TAMM41: variants seen among roughly 807,000 people sequenced by gnomAD.
The protein encoded by TAMM41 is phosphatidate cytidylyltransferase, mitochondrial.
Under a neutral mutation model 44.1 loss-of-function variants are expected in TAMM41, and 36 were observed. That is an observed-to-expected ratio of 0.82 (90% CI 0.63 to 1.08). The LOEUF is 1.08. TAMM41 is among the 50% of genes least tolerant of loss of function. The pLI, the probability that TAMM41 is intolerant of heterozygous loss-of-function variation, is 0.00. For missense variants in TAMM41, 417 were observed against 404.3 expected, an observed-to-expected ratio of 1.03 and a Z score of -0.27; for synonymous variants, 164 against 153.1, an observed-to-expected ratio of 1.07 and a Z score of -0.53.
the TAMM41 span, among the ~76,000 whole-genome samples, chr3:11,741,216 C>CAAAAAAAAAAAAAAAAAAAAAAAAA: frequency 1.6e-5 from 1 of 61,834 alleles, no homozygotes; most frequent in Non-Finnish European, 2.7e-5. Flanking sequence ...GACACCGTCT[C>CAAAAAAAAAAAAAAAAAAAAAAAAA]AAAAAAAAAA....
rs146811167 is a variant in TAMM41, at chr3:11,793,010, G to A, written c.938-2429C>T. On this transcript the variant is annotated intron_variant, in intron 7 of 7. Transcript: ENST00000455809. ...CGGGAAGCGGAGGTTGCAATGAGCC[G>A]AGATCACGCCACTGCACTCCAGCCT... Among the ~76,000 whole-genome samples the A allele has an allele frequency of 5.0e-3, 664 of 134,040 alleles. 2 individuals carry two copies. The highest frequency in any genetic ancestry group is 0.039 in the Middle Eastern group (7 of 180). The allele number at this position is 134,040 out of a possible 152,430, so 87.9% of individuals were successfully genotyped here.
the TAMM41 span, among the ~76,000 whole-genome samples, chr3:11,760,805 C>T: frequency 3.9e-5 from 6 of 152,016 alleles, no homozygotes; most frequent in South Asian, 2.1e-4. Flanking sequence ...AAGTGATCCA[C>T]CCGCTTTGGC....
intron 2 of TAMM41, among the ~76,000 whole-genome samples, chr3:11,841,688 G>T (rs1008624926): frequency 6.6e-6 from 1 of 152,178 alleles, no homozygotes; most frequent in African/African-American, 2.4e-5. Flanking sequence ...TGTCCTGCAT[G>T]ACTCAAGTGG....
chr3:11,742,788 G>A, the TAMM41 span, among the ~76,000 whole-genome samples: 1 of 151,540 alleles, frequency 6.6e-6, no homozygotes, highest in East Asian at 1.9e-4. Flanking sequence ...AGAGACAGGG[G>A]TCTCGCCATG....
the TAMM41 span, among the ~76,000 whole-genome samples, chr3:11,759,953 G>A: frequency 6.7e-6 from 1 of 148,400 alleles, no homozygotes; most frequent in Non-Finnish European, 1.5e-5. Flanking sequence ...CAGCCTGGGG[G>A]ACAAGAATGA....
the TAMM41 span, among the ~76,000 whole-genome samples, chr3:11,776,746 T>C: frequency 6.6e-6 from 1 of 152,240 alleles, no homozygotes; most frequent in Non-Finnish European, 1.5e-5. Context: ...CTTAACGCTC[T>C]TTCGACTTTA....
chr3:11,743,156 G>C, the TAMM41 span, among the ~76,000 whole-genome samples: 3 of 152,034 alleles, frequency 2.0e-5, no homozygotes, highest in Non-Finnish European at 4.4e-5. Flanking sequence ...CAGCAATAAT[G>C]GAGGTTTGCG....
the TAMM41 span, among the ~76,000 whole-genome samples, chr3:11,766,295 G>A: frequency 6.6e-6 from 1 of 151,998 alleles, no homozygotes; most frequent in East Asian, 1.9e-4. Flanking sequence ...CTCCCAGGTA[G>A]CTGGGGCTAC....
At chr3:11,734,929 G>A in the TAMM41 span, among the ~76,000 whole-genome samples, 3 of 149,938 alleles carry the variant, frequency 2.0e-5, no homozygotes, top group Middle Eastern at 3.4e-3. Context: ...GGCGCCTGTC[G>A]TCCCAGCTAT....
intron 7 of TAMM41, among the ~76,000 whole-genome samples, chr3:11,798,649 TAAAATA>T (rs1056140079): frequency 4.6e-5 from 7 of 151,794 alleles, no homozygotes; most frequent in African/African-American, 1.5e-4. Flanking sequence ...ACCCCAAACT[TAAAATA>T]AAAGTTAAAA....
chr3:11,816,948 A>G (rs553598886), intron 5 of TAMM41: 1 of 434,112 alleles, frequency 2.3e-6, no homozygotes, highest in South Asian at 7.5e-5. Flanking sequence ...AAAGATATAC[A>G]TGGTCAAAAC....
the TAMM41 span, among the ~76,000 whole-genome samples, chr3:11,747,782 A>G: frequency 1.3e-5 from 2 of 152,158 alleles, no homozygotes; most frequent in Non-Finnish European, 2.9e-5. Flanking sequence ...ATTAAAAAAT[A>G]AAAAATAAGT....
chr3:11,828,038 A>C (rs561905749), intron 4 of TAMM41, among the ~76,000 whole-genome samples: 23 of 152,362 alleles, frequency 1.5e-4, no homozygotes, highest in African/African-American at 5.0e-4. Flanking sequence ...AAATGAGATT[A>C]GTAGACAATA....
chr3:11,722,893 C>T, the TAMM41 span, among the ~76,000 whole-genome samples: 3 of 152,150 alleles, frequency 2.0e-5, no homozygotes, highest in East Asian at 3.9e-4. Flanking sequence ...TGTTTGAACC[C>T]GGGAGGCTGC....
chr3:11,755,462 C>T, the TAMM41 span, among the ~76,000 whole-genome samples: 3 of 152,058 alleles, frequency 2.0e-5, no homozygotes, highest in Non-Finnish European at 2.9e-5. Flanking sequence ...TCTGAGGGAC[C>T]GTGGGAGGAT....
At chr3:11,787,147 A>C (rs983448276), downstream of TAMM41, among the ~76,000 whole-genome samples, 4 of 152,198 alleles carry the variant, frequency 2.6e-5, no homozygotes, top group African/African-American at 9.6e-5. Context: ...TTGCAAGCCA[A>C]GTGTCCTGAG....
chr3:11,786,286 T>TTTTTTATTATTA, downstream of TAMM41, among the ~76,000 whole-genome samples: 4 of 138,854 alleles, frequency 2.9e-5, no homozygotes, highest in Admixed American at 2.9e-4. Flanking sequence ...TTTATTTAAT[T>TTTTTTATTATTA]TTATTATTAT....
chr3:11,732,242 CTCT>C, the TAMM41 span, among the ~76,000 whole-genome samples: 7 of 152,156 alleles, frequency 4.6e-5, no homozygotes, highest in East Asian at 1.4e-3. Flanking sequence ...TCCTTTTGCT[CTCT>C]TCTTTCCCTT....
chr3:11,794,148 A>ATTTT lies in TAMM41; in HGVS notation c.938-3571_938-3568dup, dbSNP rs746651341. On this transcript the variant is annotated intron_variant, in intron 7 of 7. Coordinates refer to ENST00000455809, the MANE Select transcript of TAMM41 (RefSeq NM_001284401.2). Reference sequence around the variant, plus strand: ...GTCTACACTAAGCTTACTTTCTTCAATTTTTTTTTTTTTTTTTTTACTCTG... The same window carrying ATTTT: ...GTCTACACTAAGCTTACTTTCTTCAATTTTTTTTTTTTTTTTTTTTTTTACTCTG... Among the ~76,000 whole-genome samples the ATTTT allele has an allele frequency of 8.3e-4, 93 of 112,136 alleles. 1 individual carries two copies. Among genetic ancestry groups the ATTTT allele is most frequent in the African/African-American group, 2.7e-3 (92 of 33,648 alleles). 73.6% of individuals were successfully genotyped at this position (112,136 alleles called of 152,430 possible).
Sources: allele counts gnomAD v4.1 joint callset (sites outside exome capture counted in the v4.1 genomes callset), GRCh38; gene constraint gnomAD v4.1.1; transcripts MANE v1.5; gene names NCBI Gene and HGNC (gene_info 2026-07-23, HGNC 2026-07-21).